MAP7D2: variants seen among roughly 807,000 people sequenced by gnomAD.
MAP7D2 encodes the protein MAP7 domain containing 2.
Under a neutral mutation model 63.5 loss-of-function variants are expected in MAP7D2, and 33 were observed. That is an observed-to-expected ratio of 0.52 (90% confidence interval 0.39 to 0.70). The LOEUF (loss-of-function observed/expected upper bound fraction) is 0.70. MAP7D2 is among the 30% of genes least tolerant of loss of function. MAP7D2 has a pLI of 0.00. For missense variants in MAP7D2, 626 were observed against 604.0 expected (o/e 1.04, Z -0.38); for synonymous variants, 224 against 223.7 (o/e 1.00, Z -0.01).
In MAP7D2 at chrX:20,025,776, G is replaced by C; in HGVS notation, c.1184C>G (p.Pro395Arg). ...CTTCTCTAGGGCTTCCTCTCCTTGC[G>C]GGCCAGCAGCCTGCTGAGCCAAGGT... ...EGTLAQQAAGPQGEEALEKHV... is the reference protein window; with the variant it reads ...EGTLAQQAAGRQGEEALEKHV... Residue 395 changes from proline (P) to arginine (R), a missense_variant, in exon 9 of 17, where the codon CCG becomes CGG. Transcript: ENST00000379643. 1 of 1,211,643 alleles carries C rather than the reference G, an allele frequency of 8.3e-7. No individual in the cohort carries two copies. Among genetic ancestry groups the C allele is most frequent in the Non-Finnish European group, 1.1e-6 (1 of 895,415 alleles).
At chrX:20,084,207 A>G (rs1603396059) in intron 1 of MAP7D2, among the ~76,000 whole-genome samples, 1 of 109,206 alleles carries the variant, frequency 9.2e-6, no homozygotes, top group East Asian at 2.9e-4. Context: ...AAAAAAAAAA[A>G]AAAAAAGAAT....
chrX:20,010,583 G>A (rs934017773), intron 16 of MAP7D2, among the ~76,000 whole-genome samples, 194 bp downstream of exon 16: 7 of 111,914 alleles, frequency 6.3e-5, no homozygotes, highest in African/African-American at 1.9e-4. Flanking sequence ...AAGGCGGCTC[G>A]GCGCTGAAGG....
In MAP7D2 at chrX:20,060,430, GAGAGAA is replaced by G. The variant is rs1234182336; in HGVS notation, c.372+2978_372+2983del. Among the ~76,000 whole-genome samples the G allele has an allele frequency of 8.3e-4, 49 of 58,863 alleles. 1 individual carries two copies. Among genetic ancestry groups the G allele is most frequent in the African/African-American group, 1.5e-3 (20 of 13,204 alleles). 51.1% of individuals were successfully genotyped at this position (58,863 alleles called of 115,157 possible). A position where few individuals can be genotyped will look rare whatever the true frequency, so the allele number is the denominator to read the frequency against. ...AAAGAAAAGAAAAGAGAGAGAGAGAGAGAGAAAGAAAGAAAGAAAGAAAGAAAGAAA... is the reference window on the plus strand; with the variant it reads ...AAAGAAAAGAAAAGAGAGAGAGAGAGAGAAAGAAAGAAAGAAAGAAAGAAA... On this transcript the variant is annotated intron_variant, in intron 3 of 16. Coordinates refer to ENST00000379643, the MANE Select transcript of MAP7D2 (RefSeq NM_001168465.2).
Position 20,046,799 on chromosome X carries a change from C to A in MAP7D2, c.719-2275G>T, listed in dbSNP as rs754799228. Among the ~76,000 whole-genome samples the A allele has an allele frequency of 8.9e-5, 10 of 112,624 alleles. No homozygotes were observed. The South Asian group carries it at 3.7e-3, about 41-fold the overall frequency. On this transcript the variant is annotated intron_variant, in intron 6 of 16. Coordinates refer to ENST00000379643, the MANE Select transcript of MAP7D2 (RefSeq NM_001168465.2). ...TGCTTTTGTCCTTTCTTTGAAAGGT[C>A]TGGGTGAGAGTAGGGGATGATTAAG...
chrX:20,081,065 G>T (rs1263576713), intron 1 of MAP7D2, among the ~76,000 whole-genome samples: 1 of 111,968 alleles, frequency 8.9e-6, no homozygotes, highest in Admixed American at 9.5e-5. Flanking sequence ...GGGGATAAAT[G>T]ACTCTTGCTT....
chrX:20,025,622 G>A lies in MAP7D2; in HGVS notation c.1279+59C>T, dbSNP rs2073812587. ...TCCCCAAAACATGAGAGAATGGCAC[G>A]TGGATTGGGTCTGAGGAGAACCGTC... On this transcript the variant is annotated intron_variant, in intron 9 of 16. Coordinates refer to ENST00000379643, the MANE Select transcript of MAP7D2 (RefSeq NM_001168465.2). 15 of 1,171,321 alleles carry A rather than the reference G, an allele frequency of 1.3e-5. No individual in the cohort carries two copies. The East Asian group carries it at 4.2e-4, about 33-fold the overall frequency.
chrX:20,102,705 C>T (rs1287371618), intron 1 of MAP7D2, among the ~76,000 whole-genome samples: 2 of 105,681 alleles, frequency 1.9e-5, no homozygotes, highest in African/African-American at 6.9e-5. Context: ...TGACCCAAAG[C>T]ACTGGCCATG....
intron 1 of MAP7D2, among the ~76,000 whole-genome samples, chrX:20,086,469 C>T (rs951636552): frequency 6.2e-5 from 7 of 112,166 alleles, no homozygotes; most frequent in African/African-American, 2.3e-4. Flanking sequence ...CACATATAGG[C>T]AACTGAATGG....
Position 20,052,971 on chromosome X carries a change from T to A in MAP7D2, c.502A>T (p.Thr168Ser). 5 of 1,204,793 alleles carry A rather than the reference T, an allele frequency of 4.2e-6. No individual in the cohort carries two copies. Among genetic ancestry groups the A allele is most frequent in the Admixed American group, 4.3e-5 (2 of 46,060 alleles). ...GGHDACDKLS[T>S]STMSLPKPTE... ...GGCTTTGGCAAACTCATAGTTGATG[T>A]TGAAAGTTTGTCACATGCTGCAGAG... The change falls in exon 5 of 17, where the codon ACA (threonine) becomes TCA (serine). Residue 168 changes from threonine (T) to serine (S), a missense_variant. By Grantham distance (58) the Thr-to-Ser change is moderately conservative (BLOSUM62 1). Transcript: ENST00000379643.
chrX:20,045,162 C>T, intron 6 of MAP7D2, among the ~76,000 whole-genome samples: 1 of 111,056 alleles, frequency 9.0e-6, no homozygotes, highest in Admixed American at 9.6e-5. Flanking sequence ...AAGCTCGTCC[C>T]ATGTGACTCC....
intron 8 of MAP7D2, among the ~76,000 whole-genome samples, chrX:20,037,416 C>T (rs1265750738): frequency 1.8e-5 from 2 of 111,815 alleles, no homozygotes; most frequent in African/African-American, 6.5e-5. Context: ...CACCGATGGC[C>T]TCATGGGTGG....
chrX:20,026,606 G>A (rs1393853934), intron 8 of MAP7D2, among the ~76,000 whole-genome samples: 1 of 112,008 alleles, frequency 8.9e-6, no homozygotes, highest in East Asian at 2.8e-4. Context: ...GGGGATGGGG[G>A]GTGTTTTTTG....
intron 8 of MAP7D2, among the ~76,000 whole-genome samples, chrX:20,031,810 C>T (rs889952131): frequency 8.9e-6 from 1 of 111,843 alleles, no homozygotes; most frequent in Middle Eastern, 4.2e-3. Flanking sequence ...AAAAGTTGCA[C>T]ATACATTAGA....
intron 1 of MAP7D2, among the ~76,000 whole-genome samples, chrX:20,096,754 T>C (rs2066282002): frequency 8.9e-6 from 1 of 111,861 alleles, no homozygotes; most frequent in South Asian, 3.7e-4. Flanking sequence ...ACACTTAAAA[T>C]GGTTAAAGTG....
At chrX:20,025,349 T>A (rs115070478) in intron 9 of MAP7D2, among the ~76,000 whole-genome samples, 2,279 of 111,944 alleles carry the variant, frequency 0.02, 66 homozygotes, top group African/African-American at 0.071. Flanking sequence ...GCAGCCACCA[T>A]CTGGGTGAAC....
chrX:20,028,560 A>G (rs995228844), intron 8 of MAP7D2, among the ~76,000 whole-genome samples: 1 of 111,723 alleles, frequency 9.0e-6, no homozygotes, highest in Non-Finnish European at 1.9e-5. Context: ...CTGAGCCTGC[A>G]TTTAGTCTCA....
At chrX:20,104,445 C>T (rs190323713) in intron 1 of MAP7D2, among the ~76,000 whole-genome samples, 8 of 111,828 alleles carry the variant, frequency 7.2e-5, no homozygotes, top group East Asian at 2.8e-4. Flanking sequence ...GGGTTACAGG[C>T]GTGCGCCACC....
At chrX:20,025,553 T>A (rs2073809643) in intron 9 of MAP7D2, 128 bp downstream of exon 9, 1 of 850,775 alleles carries the variant, frequency 1.2e-6, no homozygotes, top group African/African-American at 2.0e-5. Flanking sequence ...CCAAGAAAGC[T>A]GCACGAGGGG....
intron 1 of MAP7D2, among the ~76,000 whole-genome samples, chrX:20,066,561 T>C (rs890252673): frequency 8.9e-6 from 1 of 112,167 alleles, no homozygotes; most frequent in Non-Finnish European, 1.9e-5. Context: ...ATTATGACAC[T>C]ATCAACAATA....
Sources: allele counts gnomAD v4.1 joint callset (sites outside exome capture counted in the v4.1 genomes callset), GRCh38; gene constraint gnomAD v4.1.1; transcripts MANE v1.5; gene names NCBI Gene and HGNC (gene_info 2026-07-23, HGNC 2026-07-21).